The following RBCK1 variants were observed in gnomAD, a reference collection of about 807,000 sequenced individuals.
RBCK1 encodes the protein RANBP2-type and C3HC4-type zinc finger containing 1.
RBCK1 carries 44 observed loss-of-function variants against 71.1 expected under a neutral mutation model. That is an observed-to-expected ratio of 0.62 (90% CI 0.49 to 0.80). The LOEUF (loss-of-function observed/expected upper bound fraction) is 0.80, where lower values mean the gene tolerates loss of function less well. Ranked by LOEUF, RBCK1 falls within the 30% of genes least tolerant of loss-of-function variation. The pLI is 0.00. For missense variants in RBCK1, 569 were observed against 685.0 expected (o/e 0.83, Z 1.89); for synonymous variants, 306 against 279.7 (o/e 1.09, Z -0.94).
rs1022605593 is a variant in RBCK1, at chr20:430,249, G to A, written c.1453-101G>A. 35 of 1,033,194 alleles carry A rather than the reference G, an allele frequency of 3.4e-5. 2 individuals carry two copies. In the South Asian group the frequency reaches 4.5e-4, roughly 13 times the overall value. 64.0% of individuals were successfully genotyped at this position (1,033,194 alleles called of 1,614,324 possible). A position where few individuals can be genotyped will look rare whatever the true frequency, so the allele number is the denominator to read the frequency against. On this transcript the variant is annotated intron_variant, in intron 11 of 11. Transcript: ENST00000356286. The surrounding 1 kb of genome is among the most constrained non-coding windows in gnomAD (Gnocchi z 5.6). ...GAGGCTGACCAGGCCATTCTTGCAG[G>A]AGGACCTGCAGAGGCAAAGGCCCGG...
intron 8 of RBCK1, among the ~76,000 whole-genome samples, chr20:425,364 T>G (rs550735479): frequency 6.6e-6 from 1 of 152,314 alleles, no homozygotes; most frequent in South Asian, 2.1e-4. Flanking sequence ...CACAATAAAA[T>G]GTACTCATTG....
chr20:419,022 G>A (rs922304464), intron 4 of RBCK1, among the ~76,000 whole-genome samples: 2 of 152,208 alleles, frequency 1.3e-5, no homozygotes, highest in African/African-American at 4.8e-5. Flanking sequence ...GTTTCCTCCG[G>A]AGTGGATCAA....
At position 430,848 on chromosome 20, in the gene RBCK1, C is replaced by T; in HGVS notation, c.*418C>T. 5.1e-6 allele frequency: 1 copy of T among 194,422 alleles called. No individual in the cohort carries two copies. Among genetic ancestry groups the T allele is most frequent in the South Asian group, 9.8e-5 (1 of 10,208 alleles). The allele number at this position is 194,422 out of a possible 1,614,324, so 12.0% of individuals were successfully genotyped here. On this transcript the variant is annotated 3_prime_UTR_variant, in exon 12 of 12. Coordinates refer to ENST00000356286, the MANE Select transcript of RBCK1 (RefSeq NM_031229.4). This position sits in a 1 kb window ranked among gnomAD's most constrained non-coding sequence, Gnocchi z 5.6. Reference sequence around the variant, plus strand: ...GAGGCCTCTTGGAACTCTTGCTAACCTGTTCAGAGCCAGGAAGGAGACTGC... The same window carrying T: ...GAGGCCTCTTGGAACTCTTGCTAACTTGTTCAGAGCCAGGAAGGAGACTGC...
At chr20:410,881 TA>T (rs1322320567) in intron 2 of RBCK1, 1 of 270,288 alleles carries the variant, frequency 3.7e-6, no homozygotes, top group African/African-American at 2.2e-5. Flanking sequence ...TTTATTTATT[TA>T]TCCTTACAGT....
chr20:415,455 CT>C (rs2015930651), intron 2 of RBCK1, among the ~76,000 whole-genome samples: 1 of 152,188 alleles, frequency 6.6e-6, no homozygotes, highest in Admixed American at 6.5e-5. Context: ...CGCTAATGCC[CT>C]GTTTATATTC....
chr20:408,807 A>T, intron 1 of RBCK1, 28 bp downstream of exon 1: 1 of 1,604,978 alleles, frequency 6.2e-7, no homozygotes, highest in Non-Finnish European at 8.5e-7. Context: ...GTGGCTGGGG[A>T]ACTTCCGGTG....
Position 430,269 on chromosome 20 carries a change from G to GC in RBCK1, c.1453-78dup. The GC allele has an allele frequency of 7.7e-7, 1 of 1,294,418 alleles. No homozygotes were observed. The highest frequency in any genetic ancestry group is 1.1e-6 in the Non-Finnish European group (1 of 901,724). The allele number at this position is 1,294,418 out of a possible 1,614,324, so 80.2% of individuals were successfully genotyped here. A position where few individuals can be genotyped will look rare whatever the true frequency, so the allele number is the denominator to read the frequency against. ...TGCAGGAGGACCTGCAGAGGCAAAG[G>GC]CCCGGGGTGGGAGAGCGCTCGGCTG... On this transcript the variant is annotated intron_variant, in intron 11 of 11. Transcript: ENST00000356286. The surrounding 1 kb of genome is among the most constrained non-coding windows in gnomAD (Gnocchi z 5.6).
chr20:420,441 G>C (rs2016319674), intron 6 of RBCK1: 1 of 978,076 alleles, frequency 1.0e-6, no homozygotes, highest in Non-Finnish European at 1.2e-6. Context: ...CCTCGGCTTC[G>C]TCACTTCCCC....
In RBCK1 at chr20:425,151, G is replaced by C. The variant is rs192357723; in HGVS notation, c.1030-2162G>C. On this transcript the variant is annotated intron_variant, in intron 8 of 11. Coordinates refer to ENST00000356286, the MANE Select transcript of RBCK1 (RefSeq NM_031229.4). The stretch of plus-strand genomic sequence containing the variant: ...TCAGCCTCCCAAGTAGCTGGGACTA[G>C]AGGCGCACACCGCCATGCCCAGCTA... 9.9e-5 allele frequency among the ~76,000 whole-genome samples: 15 copies of C among 151,980 alleles called. No homozygotes were observed. In the East Asian group the frequency reaches 1.6e-3, roughly 16 times the overall value.
In RBCK1 at chr20:419,372, G is replaced by A. The variant is rs760002092; in HGVS notation, c.486G>A (p.Leu162=). 9.3e-6 allele frequency: 15 copies of A among 1,612,276 alleles called. No homozygotes were observed. Among genetic ancestry groups the A allele is most frequent in the African/African-American group, 1.3e-5 (1 of 74,904 alleles). The change falls in exon 5 of 12, where the codon CTG becomes CTA. Residue 162 remains leucine (L), a synonymous_variant. Coordinates refer to ENST00000356286, the MANE Select transcript of RBCK1 (RefSeq NM_031229.4). ...ATCTGGGCTTCAAGGACCTCACGCT[G>A]CAGCCGCGGGGCCCTCTGGAGCCAG... The part of the protein sequence containing the change: ...LEDLGFKDLT[L]QPRGPLEPGP...
At chr20:410,051 C>T (rs2015612521) in intron 2 of RBCK1, 26 bp downstream of exon 2, 2 of 1,606,540 alleles carry the variant, frequency 1.2e-6, no homozygotes, top group Non-Finnish European at 1.7e-6. Context: ...CTGGCCTGAA[C>T]CCAAGGGACA....
At position 417,342 on chromosome 20, in the gene RBCK1, G is replaced by A. The variant is rs1163585622; in HGVS notation, c.168-184G>A. 48 of 737,380 alleles carry A rather than the reference G, an allele frequency of 6.5e-5. 1 individual carries two copies. The Admixed American group carries it at 8.8e-4, about 14-fold the overall frequency. 45.7% of individuals were successfully genotyped at this position (737,380 alleles called of 1,614,324 possible). ...GTGGAGCCATTGGAGGGGCCTAACT[G>A]GTGGGTTCTAATAAAGGAAGAAGCA... On this transcript the variant is annotated intron_variant, in intron 2 of 11. Coordinates refer to ENST00000356286, the MANE Select transcript of RBCK1 (RefSeq NM_031229.4). The surrounding 1 kb of genome is among the most constrained non-coding windows in gnomAD (Gnocchi z 4.7).
rs1600315660 is a variant in RBCK1 at position 428,749 on chromosome 20, T to G, written c.1308+160T>G. 5.0e-6 allele frequency: 7 copies of G among 1,400,824 alleles called. No individual in the cohort carries two copies. In the East Asian group the frequency reaches 1.5e-4, roughly 31 times the overall value. The allele number at this position is 1,400,824 out of a possible 1,614,324, so 86.8% of individuals were successfully genotyped here. ...CGGAGGTGGGACTTAGGCCGAATGG[T>G]CATGTCAGGAAGAGCGTCTGGGTGG... is the stretch of plus-strand genomic sequence containing the variant. On this transcript the variant is annotated intron_variant, in intron 10 of 11. Coordinates refer to ENST00000356286, the MANE Select transcript of RBCK1 (RefSeq NM_031229.4). The surrounding 1 kb of genome is among the most constrained non-coding windows in gnomAD (Gnocchi z 5.7).
intron 1 of RBCK1, 67 bp from the exon 2 acceptor site, chr20:409,814 A>C: frequency 2.6e-6 from 4 of 1,562,962 alleles, no homozygotes; most frequent in Non-Finnish European, 3.5e-6. Flanking sequence ...CTCCTTTCCT[A>C]CCCCATTACT....
chr20:408,572 C>A lies in RBCK1; in HGVS notation c.-186C>A. The A allele has an allele frequency of 1.4e-6, 1 of 726,806 alleles. No homozygotes were observed. Among genetic ancestry groups the A allele is most frequent in the South Asian group, 1.6e-5 (1 of 62,374 alleles). The allele number at this position is 726,806 out of a possible 1,614,324, so 45.0% of individuals were successfully genotyped here. On this transcript the variant is annotated 5_prime_UTR_variant, in exon 1 of 12. Coordinates refer to ENST00000356286, the MANE Select transcript of RBCK1 (RefSeq NM_031229.4). ...GCCCCACGCAGGATCCCGGCCTGGT[C>A]ACCGGGCAGTGTGATGCTTCCCGAC...
intron 6 of RBCK1, 82 bp from the exon 7 acceptor site, chr20:420,789 C>T (rs1397509367): frequency 1.2e-5 from 15 of 1,290,086 alleles, no homozygotes; most frequent in Non-Finnish European, 1.4e-5. Context: ...GCCCTGACCA[C>T]GCCCCCTGGC....
rs139315417 is a variant in RBCK1 at position 409,802 on chromosome 20, G to A, written c.23-79G>A. ...GAGAAAGCAGCACACACAAAGGATC[G>A]CCTCCTTTCCTACCCCATTACTCTC... On this transcript the variant is annotated intron_variant, in intron 1 of 11. Coordinates refer to ENST00000356286, the MANE Select transcript of RBCK1 (RefSeq NM_031229.4). 1,586 of 1,539,536 alleles carry A rather than the reference G, an allele frequency of 1.0e-3. 16 individuals are homozygous for A. The African/African-American group carries it at 0.02, about 19-fold the overall frequency.
chr20:417,991 T>A lies in RBCK1; in HGVS notation c.460+61T>A, dbSNP rs548526459. 8.6e-6 allele frequency: 13 copies of A among 1,513,356 alleles called. No individual in the cohort carries two copies. The African/African-American group carries it at 1.4e-4, about 16-fold the overall frequency. The allele number at this position is 1,513,356 out of a possible 1,614,324, so 93.7% of individuals were successfully genotyped here. On this transcript the variant is annotated intron_variant, in intron 4 of 11. Transcript: ENST00000356286. The surrounding 1 kb of genome is among the most constrained non-coding windows in gnomAD (Gnocchi z 4.7). Reference sequence around the variant, plus strand: ...GGGGCCCTGGACTCACTTGAGGGCATAGGGCAAGCAGGGGCAGAGCCCCTG... The same window carrying A: ...GGGGCCCTGGACTCACTTGAGGGCAAAGGGCAAGCAGGGGCAGAGCCCCTG...
chr20:414,724 A>G (rs867625748), intron 2 of RBCK1, among the ~76,000 whole-genome samples: 1 of 152,358 alleles, frequency 6.6e-6, no homozygotes, highest in South Asian at 2.1e-4. Flanking sequence ...AATATTATTC[A>G]CTATAGAATA....
Sources: allele counts gnomAD v4.1 joint callset (sites outside exome capture counted in the v4.1 genomes callset), GRCh38; gene constraint gnomAD v4.1.1; non-coding constraint Gnocchi (gnomAD v3.1); transcripts MANE v1.5; gene names NCBI Gene and HGNC (gene_info 2026-07-23, HGNC 2026-07-21).